Variants in ROR2 observed in about 807,000 individuals in gnomAD.
ROR2 encodes the protein ROR family WNT receptor 2.
In ROR2, 33 loss-of-function variants were observed where a neutral mutation model predicts 74.9. The ratio of observed to expected loss-of-function variants is 0.44; its 90% confidence interval spans 0.33 to 0.59. ROR2 has a LOEUF of 0.59. Among genes scored for constraint, ROR2 ranks in the 20% least tolerant of loss-of-function variants. The probability of loss-of-function intolerance (pLI) is 0.02; values close to 1 mark genes in which losing one functional copy is unlikely to be tolerated. For missense variants in ROR2, 1,216 were observed against 1,313.8 expected (o/e 0.93, Z 1.15); for synonymous variants, 586 against 558.7 (o/e 1.05, Z -0.69).
chr9:91,944,780 A>C (rs1468507215), intron 1 of ROR2, among the ~76,000 whole-genome samples: 1 of 144,560 alleles, frequency 6.9e-6, no homozygotes, highest in Admixed American at 6.9e-5. Flanking sequence ...GATGATGGCC[A>C]GTGAGGTGGC....
Position 91,724,871 on chromosome 9 carries a change from G to T in ROR2, c.1623C>A (p.Gly541=). The T allele has an allele frequency of 6.2e-7, 1 of 1,602,244 alleles. No individual in the cohort carries two copies. Among genetic ancestry groups the T allele is most frequent in the Non-Finnish European group, 8.5e-7 (1 of 1,172,260 alleles). The change falls in exon 9 of 9, where the codon GGC becomes GGA. Residue 541 remains glycine (G), a synonymous_variant. Transcript: ENST00000375708. ...TCAGGGGCTGGTCCTTGGTCACCAC[G>T]CCCAGCAGGCAGACGACGTTGGGGT... ...LQHPNVVCLL[G]VVTKDQPLSM...
intron 1 of ROR2, among the ~76,000 whole-genome samples, chr9:91,816,019 G>A (rs16907817): frequency 0.02 from 3,092 of 152,178 alleles, 108 homozygotes; most frequent in African/African-American, 0.071. Flanking sequence ...TCCATAAACG[G>A]TAAGCAGCCT....
At chr9:91,746,949 G>A (rs897570734) in intron 4 of ROR2, among the ~76,000 whole-genome samples, 7 of 151,896 alleles carry the variant, frequency 4.6e-5, no homozygotes, top group South Asian at 2.1e-4. Context: ...AGCAACACAC[G>A]CCAGCCAAGG....
intron 4 of ROR2, among the ~76,000 whole-genome samples, chr9:91,747,159 T>A (rs573230356): frequency 6.8e-4 from 104 of 152,244 alleles, no homozygotes; most frequent in South Asian, 1.5e-3. Context: ...TGCCGCTGAG[T>A]CAGCTTGGAT....
intron 1 of ROR2, among the ~76,000 whole-genome samples, chr9:91,897,467 A>T (rs758329407): frequency 3.9e-5 from 6 of 152,116 alleles, no homozygotes. Context: ...TGATAATGTC[A>T]ATAGTTAGTA....
intron 1 of ROR2, among the ~76,000 whole-genome samples, chr9:91,784,817 C>A (rs772536897): frequency 6.6e-6 from 1 of 152,226 alleles, no homozygotes; most frequent in African/African-American, 2.4e-5. Flanking sequence ...CCACTCCCAA[C>A]TTGCTTTTCT....
chr9:91,943,752 A>G (rs1310334998), intron 1 of ROR2, among the ~76,000 whole-genome samples: 1 of 152,124 alleles, frequency 6.6e-6, no homozygotes, highest in Non-Finnish European at 1.5e-5. Context: ...TTTGCAACAC[A>G]TTTGCATTTA....
chr9:91,876,519 T>C (rs755806885), intron 1 of ROR2, among the ~76,000 whole-genome samples: 8 of 152,158 alleles, frequency 5.3e-5, no homozygotes, highest in Admixed American at 2.6e-4. Context: ...TTGTGAGCTA[T>C]TGCTTGAACC....
intron 1 of ROR2, among the ~76,000 whole-genome samples, chr9:91,875,474 T>G (rs1829930248): frequency 6.6e-6 from 1 of 152,216 alleles, no homozygotes; most frequent in African/African-American, 2.4e-5. Flanking sequence ...CTTCTCAAAT[T>G]ATGATACCCA....
chr9:91,776,736 C>T (rs4467997), intron 1 of ROR2, among the ~76,000 whole-genome samples: 1 of 152,018 alleles, frequency 6.6e-6, no homozygotes, highest in Non-Finnish European at 1.5e-5. Flanking sequence ...TGAAATTTTA[C>T]ATCAGCACAT....
intron 1 of ROR2, among the ~76,000 whole-genome samples, chr9:91,854,026 AGAG>A (rs1449276704): frequency 1.3e-5 from 2 of 152,032 alleles, no homozygotes; most frequent in Non-Finnish European, 2.9e-5. Flanking sequence ...AGTAGGAAGG[AGAG>A]GAGAAGGGGA....
intron 1 of ROR2, among the ~76,000 whole-genome samples, chr9:91,870,905 G>C (rs545144479): frequency 1.1e-4 from 17 of 152,218 alleles, no homozygotes; most frequent in Admixed American, 3.9e-4. Flanking sequence ...TCTTCCTTTA[G>C]TTTCTGGAAT....
Position 91,905,054 on chromosome 9 carries a change from CCA to C in ROR2, c.97+44811_97+44812del, listed in dbSNP as rs55743885. Among the ~76,000 whole-genome samples, 38,556 of 151,402 alleles carry C rather than the reference CCA, an allele frequency of 0.25. 5,285 individuals carry two copies. Among genetic ancestry groups the C allele is most frequent in the Admixed American group, 0.43 (6,475 of 15,234 alleles). The stretch of plus-strand genomic sequence containing the variant: ...ACGTAACATATACGCAAACATCACA[CCA>C]CACAGACATACAACATATACCACAC... On this transcript the variant is annotated intron_variant, in intron 1 of 8. Transcript: ENST00000375708. The surrounding 1 kb of genome is among the most constrained non-coding windows in gnomAD (Gnocchi z 5.3).
At chr9:91,766,470 A>G (rs1343625571) in intron 2 of ROR2, among the ~76,000 whole-genome samples, 1 of 152,158 alleles carries the variant, frequency 6.6e-6, no homozygotes, top group East Asian at 1.9e-4. Context: ...GAGCACTCAT[A>G]TGTAATTTAT....
At chr9:91,761,533 G>T (rs1825914980) in intron 2 of ROR2, among the ~76,000 whole-genome samples, 1 of 152,116 alleles carries the variant, frequency 6.6e-6, no homozygotes, top group African/African-American at 2.4e-5. Context: ...CCTATGAGAA[G>T]CTAATGCCAC....
At chr9:91,876,733 T>C (rs2119351650) in intron 1 of ROR2, among the ~76,000 whole-genome samples, 1 of 152,134 alleles carries the variant, frequency 6.6e-6, no homozygotes, top group East Asian at 1.9e-4. Flanking sequence ...AAAGAAGGTA[T>C]TGAAATCAAA....
At chr9:91,827,343 G>A (rs1475937169) in intron 1 of ROR2, among the ~76,000 whole-genome samples, 2 of 151,806 alleles carry the variant, frequency 1.3e-5, no homozygotes, top group East Asian at 1.9e-4. Flanking sequence ...TTTAAAAGGC[G>A]GAGGTTGCAG....
intron 2 of ROR2, 54 bp from the exon 3 acceptor site, chr9:91,757,613 G>A: frequency 6.3e-7 from 1 of 1,580,750 alleles, no homozygotes; most frequent in Non-Finnish European, 8.6e-7. Flanking sequence ...CTGGAAGGAA[G>A]GGCTACCTGG....
chr9:91,905,290 A>G lies in ROR2; in HGVS notation c.97+44577T>C, dbSNP rs924139238. 4.6e-5 allele frequency among the ~76,000 whole-genome samples: 7 copies of G among 151,358 alleles called. No individual in the cohort carries two copies. The highest frequency in any genetic ancestry group is 1.0e-4 in the Non-Finnish European group (7 of 67,778). On this transcript the variant is annotated intron_variant, in intron 1 of 8. Transcript: ENST00000375708. This position sits in a 1 kb window ranked among gnomAD's most constrained non-coding sequence, Gnocchi z 5.3. ...ACACCACACAAATTCAGCACACACA[A>G]TACCACACACCAGACACACCACACA...
Sources: gnomAD v4.1 joint callset for allele counts (sites outside exome capture counted in the v4.1 genomes callset) on GRCh38, gnomAD v4.1.1 for gene constraint, Gnocchi (gnomAD v3.1) non-coding constraint, MANE v1.5 for transcripts, NCBI Gene and HGNC (gene_info 2026-07-23, HGNC 2026-07-21) for gene names.